SFMBT2: variants seen among roughly 807,000 people sequenced by gnomAD.
SFMBT2 encodes scm-like with four MBT domains protein 2.
In SFMBT2, 38 loss-of-function variants were observed where a neutral mutation model predicts 110.1. The ratio of observed to expected loss-of-function variants is 0.35; its 90% CI spans 0.27 to 0.45. SFMBT2 has a LOEUF of 0.45. SFMBT2 is among the 20% of genes least tolerant of loss of function. The pLI is 1.00. For missense variants in SFMBT2, 1,011 were observed against 1,094.9 expected, an observed-to-expected ratio of 0.92 and a Z score of 1.08; for synonymous variants, 425 against 425.4, an observed-to-expected ratio of 1.00 and a Z score of 0.01.
intron 4 of SFMBT2, among the ~76,000 whole-genome samples, chr10:7,366,466 G>A (rs1416511653): frequency 1.3e-5 from 2 of 149,606 alleles, no homozygotes; most frequent in East Asian, 2.0e-4. Flanking sequence ...CTCCGATACC[G>A]TGAAAGGCTA....
rs918013697 is a variant in SFMBT2 at position 7,301,239 on chromosome 10, T to C, written c.437-15285A>G. On this transcript the variant is annotated intron_variant, in intron 4 of 20. Transcript: ENST00000397167. The surrounding 1 kb of genome is among the most constrained non-coding windows in gnomAD (Gnocchi z 4.2). ...CATGTGCAAATCAGCATGAGGCAGT[T>C]ATTAGCGTCTTTATGTCATGTGCAA... Among the ~76,000 whole-genome samples the C allele has an allele frequency of 3.3e-5, 5 of 152,156 alleles. No individual in the cohort carries two copies. Among genetic ancestry groups the C allele is most frequent in the African/African-American group, 1.2e-4 (5 of 41,438 alleles).
intron 4 of SFMBT2, among the ~76,000 whole-genome samples, chr10:7,304,393 A>G (rs947189935): frequency 2.6e-5 from 4 of 152,216 alleles, no homozygotes; most frequent in Non-Finnish European, 5.9e-5. Flanking sequence ...CTGTGAGTCC[A>G]TTAAACCTCT....
intron 15 of SFMBT2, 149 bp from the exon 16 acceptor site, chr10:7,188,882 A>C: frequency 1.5e-6 from 1 of 647,500 alleles, no homozygotes. Flanking sequence ...GTCTGATAGA[A>C]CACTTGCCAG....
In SFMBT2 at chr10:7,373,130, CTAGAT is replaced by C. The variant is rs572909244; in HGVS notation, c.101-2760_101-2756del. ...GGTCATGGGGGCAGATCCCTCATGA[CTAGAT>C]TAATGTCCTCCCTCAGGGGTGAGTT... On this transcript the variant is annotated intron_variant, in intron 2 of 20. Coordinates refer to ENST00000397167, the MANE Select transcript of SFMBT2 (RefSeq NM_001387889.1). 5.0e-3 allele frequency among the ~76,000 whole-genome samples: 758 copies of C among 152,332 alleles called. 3 individuals carry two copies. The highest frequency in any genetic ancestry group is 0.017 in the African/African-American group (726 of 41,556).
chr10:7,288,712 C>T (rs572479106), intron 4 of SFMBT2, among the ~76,000 whole-genome samples: 31 of 152,308 alleles, frequency 2.0e-4, no homozygotes, highest in Non-Finnish European at 4.4e-4. Flanking sequence ...TCGTCATTAA[C>T]TCTTGACCAA....
chr10:7,395,413 G>A (rs1845897178), intron 1 of SFMBT2, among the ~76,000 whole-genome samples: 1 of 152,238 alleles, frequency 6.6e-6, no homozygotes, highest in African/African-American at 2.4e-5. Flanking sequence ...TGACATTTCT[G>A]AAATCTCACA....
At chr10:7,400,950 T>A (rs1001406725) in intron 1 of SFMBT2, among the ~76,000 whole-genome samples, 1 of 151,990 alleles carries the variant, frequency 6.6e-6, no homozygotes, top group African/African-American at 2.4e-5. Flanking sequence ...CTGGTCAACA[T>A]GGTGAAACCC....
intron 7 of SFMBT2, among the ~76,000 whole-genome samples, chr10:7,273,060 G>A (rs972936367): frequency 1.3e-5 from 2 of 152,210 alleles, no homozygotes; most frequent in African/African-American, 4.8e-5. Context: ...CTCCCAAAGT[G>A]CTGCGCTTAC....
At chr10:7,241,532 C>T (rs558464690) in intron 9 of SFMBT2, among the ~76,000 whole-genome samples, 1 of 151,890 alleles carries the variant, frequency 6.6e-6, no homozygotes, top group Non-Finnish European at 1.5e-5. Flanking sequence ...TTTACCTTAC[C>T]AAATATCACA....
In SFMBT2 at chr10:7,243,596, C is replaced by G. The variant is rs766668686; in HGVS notation, c.1082G>C (p.Trp361Ser). 3 of 872,862 alleles carry G rather than the reference C, an allele frequency of 3.4e-6. No homozygotes were observed. The highest frequency in any genetic ancestry group is 6.0e-6 in the Non-Finnish European group (3 of 501,656). The allele number at this position is 872,862 out of a possible 1,614,324, so 54.1% of individuals were successfully genotyped here. Residue 361 changes from tryptophan (W) to serine (S), a missense_variant, in exon 9 of 21, where the codon TGG becomes TCG. This residue lies in a region of SFMBT2 where 979 missense variants were observed against 1,016.1 expected (regional missense o/e 0.96). Coordinates refer to ENST00000397167, the MANE Select transcript of SFMBT2 (RefSeq NM_001387889.1). ...GAGGCTGACTCCATTTTTAAGGCAC[C>G]ACTGTACTGGCAAAATCCCCAAAGA... ...ADSLGILPVQ[W>S]CLKNGVSLTP...
At chr10:7,206,295 CT>C (rs1839134945) in intron 11 of SFMBT2, 5 of 985,410 alleles carry the variant, frequency 5.1e-6, no homozygotes, top group Middle Eastern at 5.2e-4. Context: ...CTAAGAACAG[CT>C]CTGGGGTTAA....
In SFMBT2 at chr10:7,172,279, G is replaced by A. The variant is rs1837903689; in HGVS notation, c.2152-121C>T. ...GCAAACCCTCGGAAATGGAGCCAGTGGTCCCACCCGTGGGCCCTACGAGGC... is the reference window on the plus strand; with the variant it reads ...GCAAACCCTCGGAAATGGAGCCAGTAGTCCCACCCGTGGGCCCTACGAGGC... On this transcript the variant is annotated intron_variant, in intron 18 of 20. Transcript: ENST00000397167. This position sits in a 1 kb window ranked among gnomAD's most constrained non-coding sequence, Gnocchi z 4.6. 1 of 1,454,030 alleles carries A rather than the reference G, an allele frequency of 6.9e-7. No individual in the cohort carries two copies. The highest frequency in any genetic ancestry group is 2.7e-5 in the Admixed American group (1 of 37,048). 90.1% of individuals were successfully genotyped at this position (1,454,030 alleles called of 1,614,324 possible).
chr10:7,356,401 G>C (rs1844513611), intron 4 of SFMBT2, among the ~76,000 whole-genome samples: 1 of 151,938 alleles, frequency 6.6e-6, no homozygotes, highest in Non-Finnish European at 1.5e-5. Context: ...GCGTTTTGTT[G>C]TTGTTGTTGT....
chr10:7,192,930 C>G (rs968183514), intron 15 of SFMBT2, among the ~76,000 whole-genome samples: 5 of 152,086 alleles, frequency 3.3e-5, no homozygotes, highest in African/African-American at 1.2e-4. Flanking sequence ...CCTGGTCTCA[C>G]CAGCATCTCA....
At chr10:7,349,153 A>G (rs2764386) in intron 4 of SFMBT2, among the ~76,000 whole-genome samples, 38,494 of 152,112 alleles carry the variant, frequency 0.25, 6,423 homozygotes, top group African/African-American at 0.47. Flanking sequence ...GACCTCTTCC[A>G]TAATCCCAGA....
At chr10:7,337,049 T>C (rs1377533460) in intron 4 of SFMBT2, among the ~76,000 whole-genome samples, 1 of 152,230 alleles carries the variant, frequency 6.6e-6, no homozygotes, top group Non-Finnish European at 1.5e-5. Flanking sequence ...CCATTTCTTT[T>C]CATTGATATG....
At chr10:7,198,203 G>A (rs1282396414) in intron 14 of SFMBT2, 2 of 953,112 alleles carry the variant, frequency 2.1e-6, no homozygotes, top group East Asian at 2.3e-4. Context: ...AAGTTTCTGA[G>A]ATATATCCAA....
At chr10:7,349,123 T>C (rs1844216766) in intron 4 of SFMBT2, among the ~76,000 whole-genome samples, 1 of 152,188 alleles carries the variant, frequency 6.6e-6, no homozygotes, top group African/African-American at 2.4e-5. Context: ...ATCCCCTCTC[T>C]TGAAATCACA....
intron 15 of SFMBT2, among the ~76,000 whole-genome samples, chr10:7,192,181 T>G (rs774197003): frequency 6.6e-6 from 1 of 152,218 alleles, no homozygotes; most frequent in Non-Finnish European, 1.5e-5. Context: ...TCAGCATAAA[T>G]TGAAAACAGC....
Sources: allele counts gnomAD v4.1 joint callset (sites outside exome capture counted in the v4.1 genomes callset), GRCh38; gene constraint gnomAD v4.1.1; regional missense constraint gnomAD v4.1.1; non-coding constraint Gnocchi (gnomAD v3.1); transcripts MANE v1.5; gene names NCBI Gene and HGNC (gene_info 2026-07-23, HGNC 2026-07-21).